TMTC1: variants seen among roughly 807,000 people sequenced by gnomAD.
TMTC1 encodes the protein transmembrane O-mannosyltransferase targeting cadherins 1, also known as protein O-mannosyl-transferase TMTC1.
TMTC1 carries 73 observed loss-of-function variants against 104.8 expected under a neutral mutation model. The ratio of observed to expected loss-of-function variants is 0.70; its 90% CI spans 0.58 to 0.85. The LOEUF is 0.85. TMTC1 is among the 40% of genes least tolerant of loss of function. TMTC1 has a pLI of 0.00. For missense variants in TMTC1, 1,035 were observed against 1,096.1 expected, an observed-to-expected ratio of 0.94 and a Z score of 0.79; for synonymous variants, 434 against 428.7, an observed-to-expected ratio of 1.01 and a Z score of -0.15.
At chr12:29,630,146 TCA>T (rs1315405222) in intron 6 of TMTC1, among the ~76,000 whole-genome samples, 1 of 152,204 alleles carries the variant, frequency 6.6e-6, no homozygotes, top group East Asian at 1.9e-4. Flanking sequence ...TTTTAGAGTT[TCA>T]CATGAATGGA....
chr12:29,537,017 G>A (rs1434695347), intron 10 of TMTC1, among the ~76,000 whole-genome samples: 1 of 152,160 alleles, frequency 6.6e-6, no homozygotes, highest in Non-Finnish European at 1.5e-5. Context: ...TTGGGTAAAA[G>A]TTCTCTTTCC....
intron 1 of TMTC1, among the ~76,000 whole-genome samples, chr12:29,780,015 A>G (rs1943797407): frequency 6.6e-6 from 1 of 152,212 alleles, no homozygotes; most frequent in Non-Finnish European, 1.5e-5. Context: ...AACAATACAA[A>G]GTGCTGGCAG....
At chr12:29,639,971 C>G (rs908162551) in intron 5 of TMTC1, among the ~76,000 whole-genome samples, 1 of 152,236 alleles carries the variant, frequency 6.6e-6, no homozygotes, top group Non-Finnish European at 1.5e-5. Flanking sequence ...CAGGCAATCC[C>G]CCAGTGGAAT....
intron 5 of TMTC1, among the ~76,000 whole-genome samples, chr12:29,714,651 G>A (rs1057152344): frequency 1.3e-5 from 2 of 151,732 alleles, no homozygotes; most frequent in African/African-American, 2.4e-5. Context: ...AAAAGGATCT[G>A]GGGTACCCCC....
At chr12:29,669,045 G>T (rs1374801981) in intron 5 of TMTC1, among the ~76,000 whole-genome samples, 4 of 152,180 alleles carry the variant, frequency 2.6e-5, no homozygotes, top group Non-Finnish European at 5.9e-5. Flanking sequence ...TGGTGAGATG[G>T]CCAACCAGCC....
intron 10 of TMTC1, among the ~76,000 whole-genome samples, chr12:29,555,426 C>G (rs866036778): frequency 6.6e-6 from 1 of 151,916 alleles, no homozygotes; most frequent in African/African-American, 2.4e-5. Context: ...CTGCACCCAT[C>G]AACCCGTCAT....
At chr12:29,751,567 T>C in intron 5 of TMTC1, 99 bp downstream of exon 5, 2 of 1,233,716 alleles carry the variant, frequency 1.6e-6, no homozygotes, top group East Asian at 2.3e-5. Context: ...GAGGTCACAG[T>C]GTGCTGACTC....
intron 6 of TMTC1, among the ~76,000 whole-genome samples, chr12:29,619,952 G>T (rs1440700469): frequency 6.6e-6 from 1 of 152,206 alleles, no homozygotes; most frequent in African/African-American, 2.4e-5. Flanking sequence ...GAAGGGAGGT[G>T]GGGAGGAGAG....
At chr12:29,741,268 T>C (rs989209739) in intron 5 of TMTC1, among the ~76,000 whole-genome samples, 3 of 152,186 alleles carry the variant, frequency 2.0e-5, no homozygotes, top group Non-Finnish European at 4.4e-5. Flanking sequence ...TAGCAAAATT[T>C]CCTCCAAAGT....
chr12:29,762,512 A>T (rs1452112827), intron 2 of TMTC1, among the ~76,000 whole-genome samples: 2 of 152,256 alleles, frequency 1.3e-5, no homozygotes, highest in African/African-American at 4.8e-5. Flanking sequence ...TTATTAGATA[A>T]TCTAATGTAT....
intron 2 of TMTC1, among the ~76,000 whole-genome samples, chr12:29,765,985 T>A (rs995205473): frequency 1.2e-4 from 18 of 152,178 alleles, no homozygotes; most frequent in Non-Finnish European, 1.9e-4. Context: ...AAGCAAAGAA[T>A]TTAAACATAG....
intron 6 of TMTC1, among the ~76,000 whole-genome samples, chr12:29,610,739 T>A (rs1298393006): frequency 6.6e-6 from 1 of 152,194 alleles, no homozygotes; most frequent in East Asian, 1.9e-4. Context: ...AACCCACATC[T>A]CAAATGTAGA....
At chr12:29,669,087 AG>A (rs753324641) in intron 5 of TMTC1, among the ~76,000 whole-genome samples, 1 of 146,280 alleles carries the variant, frequency 6.8e-6, no homozygotes, top group Non-Finnish European at 1.5e-5. Context: ...CAGCAGAAAC[AG>A]GGAGTGGGAC....
chr12:29,745,699 T>G (rs1396628143), intron 5 of TMTC1, among the ~76,000 whole-genome samples: 1 of 148,826 alleles, frequency 6.7e-6, no homozygotes, highest in Admixed American at 6.7e-5. Context: ...TTAGGAAAGA[T>G]ATAATTTGGG....
At chr12:29,609,095 T>C (rs902950453) in intron 6 of TMTC1, among the ~76,000 whole-genome samples, 1 of 152,224 alleles carries the variant, frequency 6.6e-6, no homozygotes, top group Admixed American at 6.5e-5. Flanking sequence ...AGGCTTATTA[T>C]AGTAATTATT....
intron 5 of TMTC1, among the ~76,000 whole-genome samples, chr12:29,695,601 G>A (rs924096508): frequency 1.3e-5 from 2 of 151,900 alleles, no homozygotes; most frequent in Non-Finnish European, 2.9e-5. Context: ...CACCGCGCCA[G>A]GCCACATCCA....
chr12:29,655,037 C>T lies in TMTC1; in HGVS notation c.939-21701G>A, dbSNP rs188406854. The stretch of plus-strand genomic sequence containing the variant: ...TAGCTTGGATTACAGGCTCGTGCCA[C>T]CACACCCAGCTAATTTTTGTATTTT... On this transcript the variant is annotated intron_variant, in intron 5 of 17. Coordinates refer to ENST00000539277, the MANE Select transcript of TMTC1 (RefSeq NM_001193451.2). 1.5e-4 allele frequency among the ~76,000 whole-genome samples: 23 copies of T among 152,192 alleles called. No individual in the cohort carries two copies. The East Asian group carries it at 4.4e-3, about 29-fold the overall frequency.
chr12:29,595,692 C>A lies in TMTC1; in HGVS notation c.1250+8486G>T, dbSNP rs543741499. On this transcript the variant is annotated intron_variant, in intron 7 of 17. Transcript: ENST00000539277. Reference sequence around the variant, plus strand: ...GGCACAGCGAGAGCAAAGGCACAGACACATTCAAGTTAAAATCTTTCTAAT... The same window carrying A: ...GGCACAGCGAGAGCAAAGGCACAGAAACATTCAAGTTAAAATCTTTCTAAT... Among the ~76,000 whole-genome samples, 230 of 152,336 alleles carry A rather than the reference C, an allele frequency of 1.5e-3. 1 individual carries two copies. Among genetic ancestry groups the A allele is most frequent in the Non-Finnish European group, 2.6e-3 (178 of 68,026 alleles).
chr12:29,697,531 A>G (rs1357938597), intron 5 of TMTC1, among the ~76,000 whole-genome samples: 1 of 152,228 alleles, frequency 6.6e-6, no homozygotes, highest in Non-Finnish European at 1.5e-5. Context: ...GTGTGTATAG[A>G]AAGAGATTTA....
Sources: allele counts gnomAD v4.1 joint callset (sites outside exome capture counted in the v4.1 genomes callset), GRCh38; gene constraint gnomAD v4.1.1; transcripts MANE v1.5; gene names NCBI Gene and HGNC (gene_info 2026-07-23, HGNC 2026-07-21).